Variants in SKI observed in about 807,000 individuals in gnomAD.
The protein encoded by SKI is SKI proto-oncogene.
Under a neutral mutation model 59.3 loss-of-function variants are expected in SKI, and 23 were observed. The ratio of observed to expected loss-of-function variants is 0.39; its 90% CI spans 0.28 to 0.55. The LOEUF (loss-of-function observed/expected upper bound fraction) is 0.55. SKI is among the 20% of genes least tolerant of loss of function. The probability of loss-of-function intolerance (pLI) is 0.67; values close to 1 mark genes in which losing one functional copy is unlikely to be tolerated. For synonymous variants in SKI, 673 were observed against 488.6 expected, an observed-to-expected ratio of 1.38 and a Z score of -4.98; for missense variants, 1,017 against 1,038.9, an observed-to-expected ratio of 0.98 and a Z score of 0.29.
chr1:2,276,503 C>T (rs1345341561), intron 1 of SKI, among the ~76,000 whole-genome samples: 1 of 152,236 alleles, frequency 6.6e-6, no homozygotes, highest in Non-Finnish European at 1.5e-5. Flanking sequence ...CCTGTAGGGC[C>T]CCCTGTCTGT....
At chr1:2,305,804 C>T (rs1390037913) in intron 5 of SKI, among the ~76,000 whole-genome samples, 4 of 152,226 alleles carry the variant, frequency 2.6e-5, no homozygotes, top group Admixed American at 1.3e-4. Context: ...TTTAGCACAG[C>T]TGCCACAGGC....
intron 1 of SKI, among the ~76,000 whole-genome samples, chr1:2,265,829 G>A (rs1639490371): frequency 6.6e-6 from 1 of 151,976 alleles, no homozygotes. Context: ...TTAGCCAGGC[G>A]TGGTGGTGCA....
intron 1 of SKI, among the ~76,000 whole-genome samples, chr1:2,294,526 C>T (rs905496543): frequency 5.9e-5 from 9 of 152,224 alleles, no homozygotes; most frequent in Non-Finnish European, 1.0e-4. Context: ...TTTCCTCCTC[C>T]CTTGAGCCCG....
intron 1 of SKI, among the ~76,000 whole-genome samples, chr1:2,255,757 G>A (rs1639260488): frequency 7.4e-6 from 1 of 135,136 alleles, no homozygotes; most frequent in Non-Finnish European, 1.6e-5. Flanking sequence ...CACTTTGTCC[G>A]GACCTCATTT....
chr1:2,296,045 A>AT (rs1044239636), intron 1 of SKI, among the ~76,000 whole-genome samples: 5 of 152,138 alleles, frequency 3.3e-5, no homozygotes, highest in African/African-American at 1.2e-4. Context: ...TTAGCAATGC[A>AT]TAGGGGTTCC....
At chr1:2,290,221 C>T (rs1249820691) in intron 1 of SKI, among the ~76,000 whole-genome samples, 5 of 152,210 alleles carry the variant, frequency 3.3e-5, no homozygotes, top group South Asian at 2.1e-4. Context: ...AGGCAAGTCC[C>T]GGGGCTCCTG....
At chr1:2,262,962 C>T (rs1639419683) in intron 1 of SKI, among the ~76,000 whole-genome samples, 1 of 151,990 alleles carries the variant, frequency 6.6e-6, no homozygotes, top group African/African-American at 2.4e-5. Flanking sequence ...TGCAATGGCG[C>T]TATCTCGGCT....
At chr1:2,235,548 A>G (rs1368009428) in intron 1 of SKI, among the ~76,000 whole-genome samples, 2 of 152,182 alleles carry the variant, frequency 1.3e-5, no homozygotes, top group African/African-American at 4.8e-5. Context: ...CTTTGTGAAT[A>G]TGAGAGAGTT....
chr1:2,293,784 G>C (rs1640221416), intron 1 of SKI, among the ~76,000 whole-genome samples: 1 of 152,196 alleles, frequency 6.6e-6, no homozygotes, highest in Admixed American at 6.5e-5. Flanking sequence ...ACCTGTCCCA[G>C]CCCCCGTTTC....
At chr1:2,278,029 C>T (rs145474321) in intron 1 of SKI, among the ~76,000 whole-genome samples, 1 of 152,256 alleles carries the variant, frequency 6.6e-6, no homozygotes, top group African/African-American at 2.4e-5. Flanking sequence ...CACACACATG[C>T]ACCCACTCCC....
intron 1 of SKI, among the ~76,000 whole-genome samples, chr1:2,299,512 T>C (rs908809034): frequency 6.6e-6 from 1 of 152,184 alleles, no homozygotes; most frequent in African/African-American, 2.4e-5. Flanking sequence ...CCTCCGCCTC[T>C]GCGGCGTCTC....
intron 1 of SKI, among the ~76,000 whole-genome samples, chr1:2,275,271 G>A (rs1283882320): frequency 6.6e-6 from 1 of 152,214 alleles, no homozygotes; most frequent in African/African-American, 2.4e-5. Flanking sequence ...CTCCGCTCAG[G>A]CGCCACGGCG....
chr1:2,287,488 C>T (rs1251743181), intron 1 of SKI, among the ~76,000 whole-genome samples: 3 of 151,938 alleles, frequency 2.0e-5, no homozygotes, highest in Non-Finnish European at 2.9e-5. Context: ...AGGTGCCCGC[C>T]ACCACGCCCA....
chr1:2,231,089 G>C (rs955098847), intron 1 of SKI, among the ~76,000 whole-genome samples: 2 of 152,202 alleles, frequency 1.3e-5, no homozygotes, highest in African/African-American at 4.8e-5. Context: ...GCAGACAGAC[G>C]TAGCAGGCTG....
chr1:2,277,821 C>T (rs1639778032), intron 1 of SKI, among the ~76,000 whole-genome samples: 1 of 146,870 alleles, frequency 6.8e-6, no homozygotes. Context: ...CTCACGCACA[C>T]ACCTGCACTC....
chr1:2,231,275 A>G (rs989441005), intron 1 of SKI, among the ~76,000 whole-genome samples: 2 of 152,222 alleles, frequency 1.3e-5, no homozygotes, highest in Admixed American at 1.3e-4. Flanking sequence ...ACCTGTGGCC[A>G]AGGCCTGAGC....
In SKI at chr1:2,308,607, T is replaced by C. The variant is rs941770467; in HGVS notation, c.*1842T>C. 1.3e-5 allele frequency: 2 copies of C among 152,100 alleles called. No homozygotes were observed. Among genetic ancestry groups the C allele is most frequent in the African/African-American group, 4.8e-5 (2 of 41,420 alleles). The allele number at this position is 152,100 out of a possible 1,614,324, so 9.4% of individuals were successfully genotyped here. On this transcript the variant is annotated 3_prime_UTR_variant, in exon 7 of 7. Coordinates refer to ENST00000378536, the MANE Select transcript of SKI (RefSeq NM_003036.4). ...TTAGCCTTGTTTTACCAGAGTTGTTTTTTTTTTCAGTTATTTCTTCAAGGG... is the reference window on the plus strand; with the variant it reads ...TTAGCCTTGTTTTACCAGAGTTGTTCTTTTTTTCAGTTATTTCTTCAAGGG...
At chr1:2,263,324 G>A (rs546820260) in intron 1 of SKI, among the ~76,000 whole-genome samples, 99 of 148,388 alleles carry the variant, frequency 6.7e-4, no homozygotes, top group Non-Finnish European at 1.2e-3. Flanking sequence ...TGGAACCTCC[G>A]CCTCCTGGGT....
chr1:2,247,441 G>A (rs1639023970), intron 1 of SKI, among the ~76,000 whole-genome samples: 1 of 152,172 alleles, frequency 6.6e-6, no homozygotes, highest in African/African-American at 2.4e-5. Flanking sequence ...GCCAGATCCT[G>A]GAGAAAGTTC....
Sources: allele counts gnomAD v4.1 joint callset (sites outside exome capture counted in the v4.1 genomes callset), GRCh38; gene constraint gnomAD v4.1.1; transcripts MANE v1.5; gene names NCBI Gene and HGNC (gene_info 2026-07-23, HGNC 2026-07-21).